ARHGEF33: variants seen among roughly 807,000 people sequenced by gnomAD.
The protein encoded by ARHGEF33 is DH and coiled-coil domain-containing protein ENSP00000381780.
A neutral mutation model predicts 101.9 loss-of-function variants in ARHGEF33; 72 were observed. The ratio of observed to expected loss-of-function variants is 0.71; its 90% CI spans 0.58 to 0.86. The LOEUF (loss-of-function observed/expected upper bound fraction) is 0.86. Among genes scored for constraint, ARHGEF33 ranks in the 40% least tolerant of loss-of-function variants. The pLI is 0.00. For synonymous variants in ARHGEF33, 499 were observed against 442.5 expected, an observed-to-expected ratio of 1.13 and a Z score of -1.60; for missense variants, 1,169 against 1,111.3, an observed-to-expected ratio of 1.05 and a Z score of -0.74.
chr2:38,937,151 C>A (rs865869670), intron 8 of ARHGEF33, 184 bp from the exon 9 acceptor site: 2 of 526,680 alleles, frequency 3.8e-6, no homozygotes, highest in Admixed American at 3.2e-5. Flanking sequence ...CCCGCCACCA[C>A]GCCCAGCTAA....
rs762980744 is a variant in ARHGEF33 at position 38,955,770 on chromosome 2, G to A, written c.1222-1129G>A. Among the ~76,000 whole-genome samples the A allele has an allele frequency of 5.7e-4, 86 of 151,936 alleles. 1 individual carries two copies. Among genetic ancestry groups the A allele is most frequent in the South Asian group, 6.3e-4 (3 of 4,800 alleles). ...CAGCTCACTGCAACCTCCGCCTCCC[G>A]GGTTCATGCCATTTTCCTGCTTCAG... On this transcript the variant is annotated intron_variant, in intron 13 of 17. Transcript: ENST00000409978.
chr2:38,926,980 G>T (rs2124996249), intron 4 of ARHGEF33, among the ~76,000 whole-genome samples: 1 of 152,250 alleles, frequency 6.6e-6, no homozygotes, highest in East Asian at 1.9e-4. Flanking sequence ...AAAATTACCA[G>T]ATCAGAAAGT....
At chr2:38,944,876 G>GGTGTGTGTGT (rs397942466) in intron 10 of ARHGEF33, among the ~76,000 whole-genome samples, 2,795 of 145,648 alleles carry the variant, frequency 0.019, 89 homozygotes, top group African/African-American at 0.065. Flanking sequence ...GTAATGCATG[G>GGTGTGTGTGT]GTGTGTGTGT....
intron 9 of ARHGEF33, among the ~76,000 whole-genome samples, chr2:38,942,916 CT>C (rs1017198900): frequency 2.0e-5 from 3 of 152,078 alleles, no homozygotes; most frequent in African/African-American, 4.8e-5. Flanking sequence ...GGCAAATTAA[CT>C]TTTGATAATT....
chr2:38,913,368 T>C (rs1169390618), intron 2 of ARHGEF33, among the ~76,000 whole-genome samples: 1 of 152,242 alleles, frequency 6.6e-6, no homozygotes, highest in Non-Finnish European at 1.5e-5. Context: ...TTTAAAGAAC[T>C]GATAATTCCA....
At chr2:38,962,186 A>G (rs575102989) in intron 16 of ARHGEF33, among the ~76,000 whole-genome samples, 115 of 152,336 alleles carry the variant, frequency 7.5e-4, no homozygotes, top group African/African-American at 2.7e-3. Context: ...TCTTGGAGAA[A>G]TCAATCTTAG....
At chr2:38,965,155 C>T (rs1668026604) in intron 16 of ARHGEF33, among the ~76,000 whole-genome samples, 1 of 152,012 alleles carries the variant, frequency 6.6e-6, no homozygotes, top group African/African-American at 2.4e-5. Context: ...TTTGCTTTGA[C>T]TTCTTGGGGT....
intron 2 of ARHGEF33, among the ~76,000 whole-genome samples, chr2:38,909,427 T>G (rs1325442652): frequency 6.6e-6 from 1 of 151,974 alleles, no homozygotes; most frequent in Non-Finnish European, 1.5e-5. Flanking sequence ...GCTCAGGTGA[T>G]TCTCCCACCT....
At chr2:38,916,295 C>T (rs1666632969) in intron 2 of ARHGEF33, among the ~76,000 whole-genome samples, 1 of 152,124 alleles carries the variant, frequency 6.6e-6, no homozygotes, top group Non-Finnish European at 1.5e-5. Flanking sequence ...CTTCTAAAGA[C>T]CGTTTTTAAA....
In ARHGEF33 at chr2:38,964,554, G is replaced by A. The variant is rs573518476; in HGVS notation, c.2344-1452G>A. On this transcript the variant is annotated intron_variant, in intron 16 of 17. Transcript: ENST00000409978. ...GGCATTAGATTCTCACAAGGAGTGC[G>A]CATCCTAGATCCCTTGCATGTGCAT... Among the ~76,000 whole-genome samples, 13 of 150,806 alleles carry A rather than the reference G, an allele frequency of 8.6e-5. No individual in the cohort carries two copies. The East Asian group carries it at 1.2e-3, about 14-fold the overall frequency.
At chr2:38,950,635 A>T (rs1028026614) in intron 10 of ARHGEF33, among the ~76,000 whole-genome samples, 5 of 152,100 alleles carry the variant, frequency 3.3e-5, no homozygotes, top group African/African-American at 1.2e-4. Context: ...TTTTTAGTAG[A>T]GATGGGGTTT....
chr2:38,960,463 G>A lies in ARHGEF33; in HGVS notation c.2158G>A (p.Gly720Ser), dbSNP rs1355612770. Residue 720 changes from glycine (G) to serine (S), a missense_variant, in exon 16 of 18, where the codon GGC (glycine) becomes AGC (serine). Gly to Ser is a moderately conservative substitution (Grantham distance 56). Transcript: ENST00000409978. Reference protein sequence around the residue: ...KEFPRAPPADGVAPRLYSTRS... With the variant: ...KEFPRAPPADSVAPRLYSTRS... ...GTTCCCGCGTGCGCCGCCAGCCGAC[G>A]GCGTGGCCCCACGCCTCTACAGCAC... 5 of 1,493,776 alleles carry A rather than the reference G, an allele frequency of 3.3e-6. No individual in the cohort carries two copies. Among genetic ancestry groups the A allele is most frequent in the South Asian group, 1.3e-5 (1 of 78,970 alleles). The allele number at this position is 1,493,776 out of a possible 1,614,324, so 92.5% of individuals were successfully genotyped here.
chr2:38,963,835 C>T (rs1016674721), intron 16 of ARHGEF33, among the ~76,000 whole-genome samples: 24 of 152,116 alleles, frequency 1.6e-4, no homozygotes, highest in African/African-American at 5.3e-4. Context: ...TGCCTTAAGT[C>T]AGTGGTCCCC....
intron 5 of ARHGEF33, among the ~76,000 whole-genome samples, chr2:38,929,293 G>C (rs745777262): frequency 1.3e-5 from 2 of 152,134 alleles, no homozygotes; most frequent in Non-Finnish European, 2.9e-5. Flanking sequence ...GCCGGGTGTG[G>C]TGGCAGGCGC....
In ARHGEF33 at chr2:38,974,963, G is replaced by A. The variant is rs1242160460; in HGVS notation, c.*1120G>A. ...GCAAGATGGTCAGCATCCTTGATAT[G>A]CCCCAAACATCAGATTTATAATAGA... On this transcript the variant is annotated 3_prime_UTR_variant, in exon 18 of 18. Coordinates refer to ENST00000409978, the MANE Select transcript of ARHGEF33 (RefSeq NM_001145451.5). 1 of 152,110 alleles carries A rather than the reference G, an allele frequency of 6.6e-6. No homozygotes were observed. Among genetic ancestry groups the A allele is most frequent in the African/African-American group, 2.4e-5 (1 of 41,414 alleles). The allele number at this position is 152,110 out of a possible 1,614,324, so 9.4% of individuals were successfully genotyped here.
rs755156763 is a variant in ARHGEF33, at chr2:38,966,078, G to A, written c.2416G>A (p.Asp806Asn). 91 of 1,551,558 alleles carry A rather than the reference G, an allele frequency of 5.9e-5. 1 individual carries two copies. In the Admixed American group the frequency reaches 1.2e-3, roughly 20 times the overall value. ...ERESEQTSFS[D>N]QNPRQDQKGG... ...AGAAAGTGAACAAACATCTTTCAGCGATCAAAATCCCAGGCAAGACCAGAA... is the reference window on the plus strand; with the variant it reads ...AGAAAGTGAACAAACATCTTTCAGCAATCAAAATCCCAGGCAAGACCAGAA... The change falls in exon 17 of 18, where the codon GAT becomes AAT. Residue 806 changes from aspartate to asparagine, a missense_variant. Physicochemically the swap from Asp to Asn is conservative, Grantham distance 23. Transcript: ENST00000409978.
chr2:38,965,587 G>A (rs911819250), intron 16 of ARHGEF33, among the ~76,000 whole-genome samples: 14 of 152,180 alleles, frequency 9.2e-5, no homozygotes, highest in African/African-American at 3.1e-4. Flanking sequence ...TCCTTATTTT[G>A]TAGAAAGAGA....
In ARHGEF33 at chr2:38,914,165, T is replaced by G. The variant is rs148253982; in HGVS notation, c.-85-5198T>G. Among the ~76,000 whole-genome samples, 41 of 152,282 alleles carry G rather than the reference T, an allele frequency of 2.7e-4. No homozygotes were observed. The East Asian group carries it at 6.0e-3, about 22-fold the overall frequency. On this transcript the variant is annotated intron_variant, in intron 2 of 17. Coordinates refer to ENST00000409978, the MANE Select transcript of ARHGEF33 (RefSeq NM_001145451.5). ...TGAATATTCCTGGGGGAAATAAGAATAGTTATAGCCTTTTTGGAAAGCAGC... is the reference window on the plus strand; with the variant it reads ...TGAATATTCCTGGGGGAAATAAGAAGAGTTATAGCCTTTTTGGAAAGCAGC...
At chr2:38,937,230 G>A (rs1209605444) in intron 8 of ARHGEF33, 105 bp from the exon 9 acceptor site, 18 of 632,814 alleles carry the variant, frequency 2.8e-5, no homozygotes, top group Admixed American at 5.2e-5. Context: ...TCCTGACTTC[G>A]TGATCCGCCT....
Sources: allele counts gnomAD v4.1 joint callset (sites outside exome capture counted in the v4.1 genomes callset), GRCh38; gene constraint gnomAD v4.1.1; transcripts MANE v1.5; gene names NCBI Gene and HGNC (gene_info 2026-07-23, HGNC 2026-07-21).